GRIK2: variants seen among roughly 807,000 people sequenced by gnomAD.
GRIK2 encodes the protein glutamate receptor ionotropic, kainate 2.
A neutral mutation model predicts 100.3 loss-of-function variants in GRIK2; 32 were observed. The observed-to-expected ratio is 0.32, with a 90% CI of 0.24 to 0.43. GRIK2 has a LOEUF of 0.43. Ranked by LOEUF, GRIK2 falls within the 20% of genes least tolerant of loss-of-function variation. The pLI is 1.00. For synonymous variants in GRIK2, 417 were observed against 389.4 expected (o/e 1.07, Z -0.83); for missense variants, 843 against 1,114.9 (o/e 0.76, Z 3.47).
At chr6:101,776,226 G>T (rs888106773) in intron 7 of GRIK2, among the ~76,000 whole-genome samples, 21 of 152,104 alleles carry the variant, frequency 1.4e-4, no homozygotes, top group African/African-American at 4.8e-4. Flanking sequence ...GGTTTTATTT[G>T]TTCAGGCAGT....
chr6:102,055,795 A>T (rs1229205167), intron 16 of GRIK2, among the ~76,000 whole-genome samples: 3 of 152,050 alleles, frequency 2.0e-5, no homozygotes, highest in Non-Finnish European at 4.4e-5. Context: ...TTTAATTTTA[A>T]TATGTTTAAT....
intron 2 of GRIK2, among the ~76,000 whole-genome samples, chr6:101,607,900 C>T (rs903191433): frequency 1.3e-5 from 2 of 151,724 alleles, no homozygotes; most frequent in African/African-American, 4.8e-5. Context: ...GCAGAGGAAC[C>T]TTTGCCCATT....
intron 10 of GRIK2, among the ~76,000 whole-genome samples, chr6:101,820,130 T>G (rs1010125223): frequency 6.6e-6 from 1 of 152,182 alleles, no homozygotes; most frequent in Non-Finnish European, 1.5e-5. Context: ...AATATGCTTA[T>G]CTCAATTTCT....
At chr6:102,036,113 T>A (rs1770254337) in intron 15 of GRIK2, among the ~76,000 whole-genome samples, 1 of 151,248 alleles carries the variant, frequency 6.6e-6, no homozygotes, top group African/African-American at 2.4e-5. Context: ...GGCAAATCAT[T>A]TTTAGTCAAA....
At chr6:101,773,679 CAT>C (rs1163577409) in intron 7 of GRIK2, among the ~76,000 whole-genome samples, 1 of 152,088 alleles carries the variant, frequency 6.6e-6, no homozygotes, top group African/African-American at 2.4e-5. Context: ...ATAATTATGA[CAT>C]ATTTAAAAAG....
At chr6:101,460,660 T>C (rs1771259129) in intron 2 of GRIK2, among the ~76,000 whole-genome samples, 1 of 152,186 alleles carries the variant, frequency 6.6e-6, no homozygotes, top group African/African-American at 2.4e-5. Context: ...TTGCATTCAA[T>C]CTTTGAACAG....
At chr6:101,412,584 T>C (rs1403359039) in intron 2 of GRIK2, among the ~76,000 whole-genome samples, 1 of 152,078 alleles carries the variant, frequency 6.6e-6, no homozygotes, top group Admixed American at 6.5e-5. Flanking sequence ...GCTTTCTTTT[T>C]GGACTCAGCT....
intron 10 of GRIK2, among the ~76,000 whole-genome samples, chr6:101,828,182 TG>T (rs1782457464): frequency 6.6e-6 from 1 of 152,016 alleles, no homozygotes; most frequent in African/African-American, 2.4e-5. Context: ...GAATGATTTT[TG>T]TGCAAACAAT....
At chr6:101,839,642 A>G (rs1783373006) in intron 10 of GRIK2, among the ~76,000 whole-genome samples, 1 of 152,194 alleles carries the variant, frequency 6.6e-6, no homozygotes, top group African/African-American at 2.4e-5. Flanking sequence ...AGATTTGGTG[A>G]GAACAGCCAA....
intron 2 of GRIK2, among the ~76,000 whole-genome samples, chr6:101,495,037 A>G (rs1773360440): frequency 6.9e-6 from 1 of 145,020 alleles, no homozygotes; most frequent in Non-Finnish European, 1.5e-5. Context: ...GAGATTGTCA[A>G]TATTTTGGTA....
At chr6:102,039,473 G>A (rs1307982553) in intron 15 of GRIK2, among the ~76,000 whole-genome samples, 1 of 151,444 alleles carries the variant, frequency 6.6e-6, no homozygotes, top group Non-Finnish European at 1.5e-5. Flanking sequence ...CTCGGAGTGA[G>A]TTAAAAGCAA....
chr6:101,890,173 A>T (rs2791846), intron 12 of GRIK2: 187,244 of 204,344 alleles, frequency 0.92, 85,925 homozygotes, highest in East Asian at 0.99. Flanking sequence ...AGATTTCTGA[A>T]GAACCAAAAC....
chr6:101,821,558 A>G (rs1200244832), intron 10 of GRIK2, among the ~76,000 whole-genome samples: 1 of 152,098 alleles, frequency 6.6e-6, no homozygotes, highest in Non-Finnish European at 1.5e-5. Context: ...TAAACAGGTT[A>G]TTTATATTTT....
At chr6:101,664,364 C>T (rs1473735227) in intron 4 of GRIK2, among the ~76,000 whole-genome samples, 3 of 152,232 alleles carry the variant, frequency 2.0e-5, no homozygotes, top group African/African-American at 7.2e-5. Context: ...CCAGCAAGCA[C>T]AGCTCTTATA....
At chr6:101,457,338 A>C (rs1266728643) in intron 2 of GRIK2, among the ~76,000 whole-genome samples, 1 of 152,132 alleles carries the variant, frequency 6.6e-6, no homozygotes, top group African/African-American at 2.4e-5. Flanking sequence ...TATTGATTAC[A>C]AAGCTTGTTA....
chr6:101,837,355 T>C (rs1340452104), intron 10 of GRIK2, among the ~76,000 whole-genome samples: 2 of 152,176 alleles, frequency 1.3e-5, no homozygotes, highest in East Asian at 3.9e-4. Context: ...GATAGTATAT[T>C]GCAAATTTGA....
intron 5 of GRIK2, 50 bp from the exon 6 acceptor site, chr6:101,682,503 T>A: frequency 2.5e-6 from 2 of 806,562 alleles, no homozygotes; most frequent in East Asian, 2.5e-5. Flanking sequence ...ATTACTGACA[T>A]ACTGTCTTTC....
intron 2 of GRIK2, among the ~76,000 whole-genome samples, chr6:101,450,601 C>T (rs763390519): frequency 1.3e-5 from 2 of 151,610 alleles, no homozygotes; most frequent in South Asian, 2.1e-4. Flanking sequence ...GTAACTGGTT[C>T]CCTTGAGTGT....
intron 2 of GRIK2, among the ~76,000 whole-genome samples, chr6:101,521,612 TA>T (rs756464798): frequency 9.9e-5 from 15 of 151,868 alleles, no homozygotes; most frequent in African/African-American, 1.2e-4. Context: ...AGAATTTGAA[TA>T]GCGTAAAATT....
Sources: gnomAD v4.1 joint callset for allele counts (sites outside exome capture counted in the v4.1 genomes callset) on GRCh38, gnomAD v4.1.1 for gene constraint, MANE v1.5 for transcripts, NCBI Gene and HGNC (gene_info 2026-07-23, HGNC 2026-07-21) for gene names.